The following KLF9 variants were observed in gnomAD, a reference collection of about 807,000 sequenced individuals.
The protein encoded by KLF9 is Krueppel-like factor 9.
A neutral mutation model predicts 17.3 loss-of-function variants in KLF9; 2 were observed. That is an observed-to-expected ratio of 0.12 (90% CI 0.05 to 0.36). The LOEUF (loss-of-function observed/expected upper bound fraction) is 0.36, where lower values mean the gene tolerates loss of function less well. KLF9 is among the 10% of genes least tolerant of loss of function. The pLI is 1.00. For missense variants in KLF9, 226 were observed against 333.2 expected, an observed-to-expected ratio of 0.68 and a Z score of 2.51; for synonymous variants, 138 against 139.2, an observed-to-expected ratio of 0.99 and a Z score of 0.06.
chr9:70,413,365 G>A lies in KLF9; in HGVS notation c.-2C>T, dbSNP rs1348899513. On this transcript the variant is annotated 5_prime_UTR_variant, in exon 1 of 2. Transcript: ENST00000377126. The surrounding 1 kb of genome is among the most constrained non-coding windows in gnomAD (Gnocchi z 5.6). ...GTCCATGTAGGCGGCCGCGGACATG[G>A]TGCGGGCGACGGCAGCCCAGGCGGC... 6.6e-7 allele frequency: 1 copy of A among 1,520,630 alleles called. No individual in the cohort carries two copies. The highest frequency in any genetic ancestry group is 2.4e-5 in the East Asian group (1 of 42,384). The allele number at this position is 1,520,630 out of a possible 1,614,324, so 94.2% of individuals were successfully genotyped here.
intron 1 of KLF9, among the ~76,000 whole-genome samples, chr9:70,406,021 A>G (rs927021382): frequency 1.3e-5 from 2 of 152,038 alleles, no homozygotes; most frequent in African/African-American, 4.8e-5. Flanking sequence ...AGCTCACTCC[A>G]CCTCTGCCCT....
chr9:70,395,491 T>A (rs1029268392), intron 1 of KLF9, among the ~76,000 whole-genome samples: 1 of 152,188 alleles, frequency 6.6e-6, no homozygotes, highest in African/African-American at 2.4e-5. Context: ...ATGTTAAAAA[T>A]ATATATAAGT....
chr9:70,394,625 T>C (rs2118911137), intron 1 of KLF9, among the ~76,000 whole-genome samples: 1 of 151,944 alleles, frequency 6.6e-6, no homozygotes, highest in African/African-American at 2.4e-5. Flanking sequence ...GAAGGGGGGG[T>C]TATAAAATAA....
At position 70,387,128 on chromosome 9, in the gene KLF9, C is replaced by T. The variant is rs1223958496; in HGVS notation, c.*648G>A. On this transcript the variant is annotated 3_prime_UTR_variant, in exon 2 of 2. Transcript: ENST00000377126. The stretch of plus-strand genomic sequence containing the variant: ...ACTATAAGTAACTGTTTTTTGTTTT[C>T]AAGTCTTTAGATGACAGATCATGCT... 1 of 152,496 alleles carries T rather than the reference C, an allele frequency of 6.6e-6. No homozygotes were observed. Among genetic ancestry groups the T allele is most frequent in the Admixed American group, 6.5e-5 (1 of 15,292 alleles). 9.4% of individuals were successfully genotyped at this position (152,496 alleles called of 1,614,324 possible). A position where few individuals can be genotyped will look rare whatever the true frequency, so the allele number is the denominator to read the frequency against.
intron 1 of KLF9, 128 bp from the exon 2 acceptor site, chr9:70,388,133 T>C (rs2037127162): frequency 2.8e-6 from 2 of 718,972 alleles, no homozygotes; most frequent in Admixed American, 2.5e-5. Flanking sequence ...TGTGTCCCCC[T>C]CCCCAAAATC....
chr9:70,397,116 A>T (rs977206347), intron 1 of KLF9, among the ~76,000 whole-genome samples: 2 of 152,218 alleles, frequency 1.3e-5, no homozygotes, highest in African/African-American at 4.8e-5. Context: ...TAAGTGATCC[A>T]TGACCAAAGA....
rs780183225 is a variant in KLF9, at chr9:70,387,768, G to A, written c.*8C>T. On this transcript the variant is annotated 3_prime_UTR_variant, in exon 2 of 2. Coordinates refer to ENST00000377126, the MANE Select transcript of KLF9 (RefSeq NM_001206.4). The stretch of plus-strand genomic sequence containing the variant: ...GTCCATCCCTCCCTGGCTTCCACGG[G>A]CAGCACCTCACAAAGCGTTGGCCAG... 9.9e-6 allele frequency: 16 copies of A among 1,612,330 alleles called. No homozygotes were observed. The South Asian group carries it at 1.8e-4, about 18-fold the overall frequency.
At chr9:70,396,583 G>C (rs2037182924) in intron 1 of KLF9, among the ~76,000 whole-genome samples, 1 of 152,138 alleles carries the variant, frequency 6.6e-6, no homozygotes, top group African/African-American at 2.4e-5. Flanking sequence ...GAAGTCAGGA[G>C]TTCAAGACCA....
Position 70,387,539 on chromosome 9 carries a change from C to G in KLF9, c.*237G>C. On this transcript the variant is annotated 3_prime_UTR_variant, in exon 2 of 2. Transcript: ENST00000377126. ...TTGCCTTCCCTCCAACAGTCAGAGA[C>G]GGGTTCAGAGAGTTGCCTCTTCAAG... 4.2e-6 allele frequency: 2 copies of G among 473,572 alleles called. No individual in the cohort carries two copies. Among genetic ancestry groups the G allele is most frequent in the East Asian group, 3.4e-5 (1 of 29,212 alleles). 29.3% of individuals were successfully genotyped at this position (473,572 alleles called of 1,614,324 possible). A position where few individuals can be genotyped will look rare whatever the true frequency, so the allele number is the denominator to read the frequency against.
chr9:70,398,941 C>T (rs1367271340), intron 1 of KLF9, among the ~76,000 whole-genome samples: 2 of 152,194 alleles, frequency 1.3e-5, no homozygotes, highest in African/African-American at 4.8e-5. Flanking sequence ...TCAAGTGATC[C>T]TCCCACCTCA....
At chr9:70,390,904 T>C (rs2037149559) in intron 1 of KLF9, among the ~76,000 whole-genome samples, 1 of 152,168 alleles carries the variant, frequency 6.6e-6, no homozygotes, top group Non-Finnish European at 1.5e-5. Context: ...CAAAACGCCC[T>C]CTCTGCTCGG....
intron 1 of KLF9, among the ~76,000 whole-genome samples, chr9:70,391,882 A>G (rs1411792676): frequency 6.6e-6 from 1 of 152,256 alleles, no homozygotes; most frequent in Non-Finnish European, 1.5e-5. Flanking sequence ...GGAAACAGCC[A>G]TGCTCATTGG....
chr9:70,397,476 A>G (rs568342259), intron 1 of KLF9, among the ~76,000 whole-genome samples: 34 of 152,162 alleles, frequency 2.2e-4, no homozygotes, highest in African/African-American at 8.2e-4. Flanking sequence ...CTCTGACTAA[A>G]AAAAAAAACA....
chr9:70,402,029 AAAAAT>A (rs966558272), intron 1 of KLF9, among the ~76,000 whole-genome samples: 1 of 151,994 alleles, frequency 6.6e-6, no homozygotes, highest in Non-Finnish European at 1.5e-5. Flanking sequence ...ATAAATAAAT[AAAAAT>A]AAAATAAAAT....
rs574177584 is a variant in KLF9 at position 70,399,802 on chromosome 9, G to A, written c.506-11797C>T. ...TTTTTTCCAATTCTCTGCCTTCCAG[G>A]CCCTTCCTTCCAAATGCATTGCCTC... is the stretch of plus-strand genomic sequence containing the variant. On this transcript the variant is annotated intron_variant, in intron 1 of 1. Transcript: ENST00000377126. Among the ~76,000 whole-genome samples the A allele has an allele frequency of 5.9e-5, 9 of 152,296 alleles. No homozygotes were observed. The East Asian group carries it at 1.4e-3, about 23-fold the overall frequency.
rs144588667 is a variant in KLF9, at chr9:70,401,752, C to T, written c.505+11107G>A. ...AAATTAGGCTGGCTGCAGTGGCTCA[C>T]GCCTGTAATCCCAGCACTTTGGGAG... On this transcript the variant is annotated intron_variant, in intron 1 of 1. Transcript: ENST00000377126. Among the ~76,000 whole-genome samples, 469 of 149,442 alleles carry T rather than the reference C, an allele frequency of 3.1e-3. 1 individual carries two copies. Among genetic ancestry groups the T allele is most frequent in the African/African-American group, 0.011 (438 of 40,608 alleles).
Position 70,392,478 on chromosome 9 carries a change from A to C in KLF9, c.506-4473T>G, listed in dbSNP as rs146235433. Among the ~76,000 whole-genome samples, 4 of 152,314 alleles carry C rather than the reference A, an allele frequency of 2.6e-5. No homozygotes were observed. In the East Asian group the frequency reaches 7.7e-4, roughly 29 times the overall value. On this transcript the variant is annotated intron_variant, in intron 1 of 1. Transcript: ENST00000377126. ...GAAAAATCTCCCACCTTTTTAATAC[A>C]GTGGAGAGTTTGGATCTAACATGCC...
At chr9:70,401,140 C>T (rs1356131003) in intron 1 of KLF9, among the ~76,000 whole-genome samples, 2 of 148,804 alleles carry the variant, frequency 1.3e-5, no homozygotes, top group Non-Finnish European at 3.0e-5. Flanking sequence ...TCGAGACCAG[C>T]CTGAGCAATA....
chr9:70,400,395 G>A (rs973833587), intron 1 of KLF9, among the ~76,000 whole-genome samples: 5 of 152,072 alleles, frequency 3.3e-5, no homozygotes, highest in African/African-American at 1.2e-4. Flanking sequence ...GCTCTCCCAC[G>A]AGGCTGAAAC....
Sources: allele counts gnomAD v4.1 joint callset (sites outside exome capture counted in the v4.1 genomes callset), GRCh38; gene constraint gnomAD v4.1.1; non-coding constraint Gnocchi (gnomAD v3.1); transcripts MANE v1.5; gene names NCBI Gene and HGNC (gene_info 2026-07-23, HGNC 2026-07-21).